SPINK5: variants seen among roughly 807,000 people sequenced by gnomAD.
SPINK5 encodes the protein serine protease inhibitor Kazal-type 5.
In SPINK5, 125 loss-of-function variants were observed where a neutral mutation model predicts 151.8. The observed-to-expected ratio is 0.82, with a 90% confidence interval of 0.71 to 0.96. The LOEUF (loss-of-function observed/expected upper bound fraction) is 0.96, where lower values mean the gene tolerates loss of function less well. Among genes scored for constraint, SPINK5 ranks in the 40% least tolerant of loss-of-function variants. The pLI, the probability that SPINK5 is intolerant of heterozygous loss-of-function variation, is 0.00. For missense variants in SPINK5, 1,194 were observed against 1,291.9 expected, an observed-to-expected ratio of 0.92 and a Z score of 1.16; for synonymous variants, 374 against 395.3, an observed-to-expected ratio of 0.95 and a Z score of 0.64.
chr5:148,067,314 G>T (rs1251294558), intron 2 of SPINK5, among the ~76,000 whole-genome samples: 1 of 152,136 alleles, frequency 6.6e-6, no homozygotes, highest in African/African-American at 2.4e-5. Context: ...GAGGGCTCCA[G>T]TTTTCCTGGG....
At chr5:148,065,514 A>G in intron 2 of SPINK5, 142 bp downstream of exon 2, 2 of 826,762 alleles carry the variant, frequency 2.4e-6, no homozygotes, top group Non-Finnish European at 3.9e-6. Context: ...ACAGAAACAG[A>G]TTTTTATGAA....
chr5:148,123,433 T>TTATC (rs1238903014), intron 26 of SPINK5, among the ~76,000 whole-genome samples: 1,185 of 94,782 alleles, frequency 0.013, 30 homozygotes, highest in African/African-American at 0.042. Context: ...TAGATATATA[T>TTATC]TATCTATCTA....
intron 8 of SPINK5, 60 bp from the exon 9 acceptor site, chr5:148,094,294 C>CA (rs1561684548): frequency 6.3e-7 from 1 of 1,595,804 alleles, no homozygotes; most frequent in Non-Finnish European, 8.6e-7. Flanking sequence ...AATCCTGTCT[C>CA]AAAAAATAAA....
chr5:148,081,041 G>C (rs1753006020), intron 4 of SPINK5, among the ~76,000 whole-genome samples: 1 of 151,524 alleles, frequency 6.6e-6, no homozygotes, highest in South Asian at 2.1e-4. Context: ...TTATTATTTA[G>C]GCAAATGCTA....
In SPINK5 at chr5:148,101,770, C is replaced by G; in HGVS notation, c.1303-11C>G. The stretch of plus-strand genomic sequence containing the variant: ...GTTCAACACTTTCAACTTCCTGCCT[C>G]AATTTCACAGGAGTTGTGTAGTGAA... On this transcript the variant is annotated splice_polypyrimidine_tract_variant and intron_variant, in intron 14 of 32. Coordinates refer to ENST00000256084, the MANE Select transcript of SPINK5 (RefSeq NM_006846.4). 6.2e-7 allele frequency: 1 copy of G among 1,613,622 alleles called. No homozygotes were observed. The highest frequency in any genetic ancestry group is 1.1e-5 in the South Asian group (1 of 91,068).
chr5:148,070,731 T>A (rs996915604), intron 3 of SPINK5, among the ~76,000 whole-genome samples: 2 of 152,054 alleles, frequency 1.3e-5, no homozygotes, highest in Admixed American at 1.3e-4. Context: ...AGGATGTAGT[T>A]CCACTTTGAA....
At chr5:148,135,200 T>C (rs985161031) in intron 32 of SPINK5, among the ~76,000 whole-genome samples, 6 of 152,166 alleles carry the variant, frequency 3.9e-5, no homozygotes, top group Non-Finnish European at 7.3e-5. Context: ...TTTGCTGTCT[T>C]ATTATATAGA....
intron 3 of SPINK5, among the ~76,000 whole-genome samples, chr5:148,070,721 A>C (rs1410461335): frequency 6.6e-6 from 1 of 152,090 alleles, no homozygotes; most frequent in Non-Finnish European, 1.5e-5. Flanking sequence ...TAGTCTTTTG[A>C]GGATGTAGTT....
Position 148,112,893 on chromosome 5 carries a change from A to G in SPINK5, c.1846A>G (p.Arg616Gly), listed in dbSNP as rs1258230080. ...CCAGCAAGAAGCAAAAGAAAAAGAA[A>G]GAGCTGAACCCAGAGCAAAAGTCAA... Reference protein sequence around the residue: ...FFQQEAKEKERAEPRAKVKRE... With the variant: ...FFQQEAKEKEGAEPRAKVKRE... The change falls in exon 20 of 33, where the codon AGA (arginine) becomes GGA (glycine). Residue 616 changes from arginine to glycine, a missense_variant. Coordinates refer to ENST00000256084, the MANE Select transcript of SPINK5 (RefSeq NM_006846.4). The G allele has an allele frequency of 6.2e-7, 1 of 1,613,974 alleles. No homozygotes were observed. The highest frequency in any genetic ancestry group is 8.5e-7 in the Non-Finnish European group (1 of 1,179,908).
At chr5:148,079,025 T>G (rs1675238955) in intron 4 of SPINK5, among the ~76,000 whole-genome samples, 1 of 151,008 alleles carries the variant, frequency 6.6e-6, no homozygotes, top group Non-Finnish European at 1.5e-5. Context: ...AAACCCTTAG[T>G]TTTATTTTCC....
At chr5:148,079,045 AAGAAC>A (rs1014201963) in intron 4 of SPINK5, among the ~76,000 whole-genome samples, 1 of 151,290 alleles carries the variant, frequency 6.6e-6, no homozygotes, top group African/African-American at 2.4e-5. Context: ...CCTTCAAGAA[AAGAAC>A]AGAAGACAAA....
chr5:148,087,727 C>T (rs1753198991), intron 5 of SPINK5, among the ~76,000 whole-genome samples: 1 of 151,732 alleles, frequency 6.6e-6, no homozygotes, highest in African/African-American at 2.4e-5. Flanking sequence ...GAAAGTTTCT[C>T]TCCCCTAATT....
At chr5:148,073,904 A>C (rs1345373115) in intron 4 of SPINK5, among the ~76,000 whole-genome samples, 2 of 150,820 alleles carry the variant, frequency 1.3e-5, no homozygotes, top group African/African-American at 4.9e-5. Context: ...AAAACTCTTA[A>C]TAGCGATGTG....
chr5:148,079,155 C>T (rs1458519441), intron 4 of SPINK5, among the ~76,000 whole-genome samples: 1 of 150,726 alleles, frequency 6.6e-6, no homozygotes, highest in African/African-American at 2.4e-5. Context: ...TATTATGCCA[C>T]CACATTAAAT....
intron 26 of SPINK5, among the ~76,000 whole-genome samples, chr5:148,122,831 C>T (rs1304159195): frequency 1.4e-5 from 2 of 146,304 alleles, no homozygotes; most frequent in Admixed American, 6.8e-5. Context: ...TAAAGGAAAT[C>T]TATTAAACCA....
chr5:148,095,950 G>GT lies in SPINK5; in HGVS notation c.882+45_882+46insT, dbSNP rs76839946. 727,781 of 1,462,404 alleles carry GT rather than the reference G, an allele frequency of 0.5. 182,442 individuals are homozygous for GT. The highest frequency in any genetic ancestry group is 0.66 in the Admixed American group (38,775 of 59,038). The allele number at this position is 1,462,404 out of a possible 1,614,324, so 90.6% of individuals were successfully genotyped here. A position where few individuals can be genotyped will look rare whatever the true frequency, so the allele number is the denominator to read the frequency against. On this transcript the variant is annotated intron_variant, in intron 10 of 32. Transcript: ENST00000256084. Reference sequence around the variant, plus strand: ...ATCTAGTTACAACTTGTGTGTGTGTGGGGGGGTGCGTGTGTGAGAGAGTGC... The same window carrying GT: ...ATCTAGTTACAACTTGTGTGTGTGTGTGGGGGGTGCGTGTGTGAGAGAGTGC...
chr5:148,068,648 A>G (rs771577549), intron 2 of SPINK5, among the ~76,000 whole-genome samples: 7 of 151,708 alleles, frequency 4.6e-5, no homozygotes, highest in Non-Finnish European at 8.8e-5. Context: ...CTAAATAGAA[A>G]CCTTTAATAA....
chr5:148,083,317 CT>C (rs1404393294), intron 4 of SPINK5, among the ~76,000 whole-genome samples: 1 of 151,040 alleles, frequency 6.6e-6, no homozygotes, highest in African/African-American at 2.4e-5. Context: ...ATTTGCATGC[CT>C]TTTCATTTTA....
At chr5:148,072,047 G>T (rs1446730964) in intron 3 of SPINK5, 101 bp from the exon 4 acceptor site, 2 of 1,102,734 alleles carry the variant, frequency 1.8e-6, no homozygotes, top group East Asian at 2.5e-5. Context: ...TGCCAGGCTA[G>T]GCTGAGGAGA....
Sources: allele counts gnomAD v4.1 joint callset (sites outside exome capture counted in the v4.1 genomes callset), GRCh38; gene constraint gnomAD v4.1.1; transcripts MANE v1.5; gene names NCBI Gene and HGNC (gene_info 2026-07-23, HGNC 2026-07-21).